PXDNL: variants seen among roughly 807,000 people sequenced by gnomAD.
The protein encoded by PXDNL is probable oxidoreductase PXDNL.
Under a neutral mutation model 150.8 loss-of-function variants are expected in PXDNL, and 145 were observed. The ratio of observed to expected loss-of-function variants is 0.96; its 90% CI spans 0.84 to 1.10. PXDNL has a LOEUF of 1.10. PXDNL is among the 50% of genes least tolerant of loss of function. PXDNL has a pLI of 0.00. For synonymous variants in PXDNL, 757 were observed against 725.7 expected, an observed-to-expected ratio of 1.04 and a Z score of -0.69; for missense variants, 2,087 against 1,873.9, an observed-to-expected ratio of 1.11 and a Z score of -2.10.
chr8:51,441,343 G>GCCCT (rs1809544286), intron 12 of PXDNL, among the ~76,000 whole-genome samples: 1 of 152,068 alleles, frequency 6.6e-6, no homozygotes, highest in Non-Finnish European at 1.5e-5. Context: ...CTAATACAAG[G>GCCCT]TCCTTCATTT....
intron 5 of PXDNL, among the ~76,000 whole-genome samples, chr8:51,497,883 G>A (rs1811090507): frequency 6.6e-6 from 1 of 152,146 alleles, no homozygotes; most frequent in African/African-American, 2.4e-5. Context: ...TGATTCCTCA[G>A]GGATCTAGAA....
intron 1 of PXDNL, among the ~76,000 whole-genome samples, chr8:51,763,614 T>C (rs1181001804): frequency 6.6e-6 from 1 of 152,182 alleles, no homozygotes; most frequent in African/African-American, 2.4e-5. Context: ...CAAGTGTACT[T>C]TCCTTTCTTT....
chr8:51,738,950 C>T (rs1298575917), intron 1 of PXDNL, among the ~76,000 whole-genome samples: 1 of 151,986 alleles, frequency 6.6e-6, no homozygotes, highest in African/African-American at 2.4e-5. Flanking sequence ...AAGAAAACTA[C>T]ACACCAATAT....
At chr8:51,805,513 T>C (rs927938014) in intron 1 of PXDNL, among the ~76,000 whole-genome samples, 152 of 150,292 alleles carry the variant, frequency 1.0e-3, no homozygotes, top group African/African-American at 3.6e-3. Flanking sequence ...GGAATTCTAT[T>C]TTCTTCTTGA....
chr8:51,608,856 A>AAAAG (rs1349355689), intron 2 of PXDNL, among the ~76,000 whole-genome samples: 1 of 151,208 alleles, frequency 6.6e-6, no homozygotes, highest in African/African-American at 2.4e-5. Flanking sequence ...AAAAAAAAAA[A>AAAAG]AAAGAAAGTA....
chr8:51,545,078 GAATC>G (rs1812327625), intron 4 of PXDNL, among the ~76,000 whole-genome samples: 1 of 152,060 alleles, frequency 6.6e-6, no homozygotes, highest in African/African-American at 2.4e-5. Flanking sequence ...CAACAGCATG[GAATC>G]AGTTTTAAAA....
At chr8:51,552,946 T>C (rs1812524062) in intron 4 of PXDNL, among the ~76,000 whole-genome samples, 1 of 152,120 alleles carries the variant, frequency 6.6e-6, no homozygotes, top group Non-Finnish European at 1.5e-5. Flanking sequence ...GCCTGTGAAA[T>C]CAAAACCAGT....
In PXDNL at chr8:51,729,401, G is replaced by A. The variant is rs150062702; in HGVS notation, c.165-74641C>T. ...ATGAGAAATAAGCATATGAAAATAC[G>A]CTTAATATCATAGTCATTAGAAAGT... On this transcript the variant is annotated intron_variant, in intron 1 of 22. Transcript: ENST00000356297. 1.2e-3 allele frequency among the ~76,000 whole-genome samples: 183 copies of A among 152,140 alleles called. 1 individual carries two copies. The highest frequency in any genetic ancestry group is 4.0e-3 in the African/African-American group (167 of 41,462).
intron 1 of PXDNL, among the ~76,000 whole-genome samples, chr8:51,737,498 A>C (rs1817061595): frequency 6.6e-6 from 1 of 152,180 alleles, no homozygotes; most frequent in African/African-American, 2.4e-5. Flanking sequence ...AGGAATGAGC[A>C]CCCTGCTCCA....
intron 14 of PXDNL, among the ~76,000 whole-genome samples, chr8:51,421,146 G>C (rs2129714473): frequency 6.6e-6 from 1 of 152,300 alleles, no homozygotes; most frequent in Admixed American, 6.5e-5. Context: ...AATACAGAGA[G>C]AGAGGATGTT....
At chr8:51,576,187 G>A (rs752128276) in intron 3 of PXDNL, among the ~76,000 whole-genome samples, 3 of 125,644 alleles carry the variant, frequency 2.4e-5, no homozygotes, top group Non-Finnish European at 3.3e-5. Context: ...CACATTATTA[G>A]AACACTGCTC....
chr8:51,411,301 G>A lies in PXDNL; in HGVS notation c.2011C>T (p.Leu671=). Residue 671 remains leucine (L), a synonymous_variant, in exon 16 of 23, where the codon CTG becomes TTG. Transcript: ENST00000356297. ...CCCTGCTTCACACGTTCCCGTATCA[G>A]CTGCAGCGTGTGCTCAAAAATCTCC... ...AGEIFEHTLQ[L]IRERVKQGLT... The A allele has an allele frequency of 6.4e-7, 1 of 1,572,928 alleles. No homozygotes were observed. The highest frequency in any genetic ancestry group is 8.6e-7 in the Non-Finnish European group (1 of 1,162,648).
chr8:51,729,082 G>T (rs1446792312), intron 1 of PXDNL, among the ~76,000 whole-genome samples: 1 of 152,090 alleles, frequency 6.6e-6, no homozygotes, highest in Non-Finnish European at 1.5e-5. Flanking sequence ...TGCTGTATAG[G>T]TTTGTAGCCT....
intron 17 of PXDNL, among the ~76,000 whole-genome samples, chr8:51,380,272 C>T (rs887281482): frequency 3.3e-5 from 5 of 152,228 alleles, no homozygotes; most frequent in African/African-American, 9.6e-5. Context: ...GGGTTGCTAA[C>T]TGGAACATCA....
chr8:51,512,364 C>T (rs951218086), intron 4 of PXDNL, among the ~76,000 whole-genome samples: 2 of 152,000 alleles, frequency 1.3e-5, no homozygotes, highest in African/African-American at 4.8e-5. Flanking sequence ...GAGAGAAGCA[C>T]AGAGAGAAAT....
chr8:51,744,067 AAGGAAGGAAGGAAGGAAGGAAG>A lies in PXDNL; in HGVS notation c.164+65092_164+65113del, dbSNP rs2036940902. ...GAAGGAAGGAAGGAAGGAAGGAAGG[AAGGAAGGAAGGAAGGAAGGAAG>A]GAAGGAAAGAAAGAAAGAAAGAAAG... On this transcript the variant is annotated intron_variant, in intron 1 of 22. Coordinates refer to ENST00000356297, the MANE Select transcript of PXDNL (RefSeq NM_144651.5). 8.4e-3 allele frequency among the ~76,000 whole-genome samples: 615 copies of A among 73,140 alleles called. 50 individuals are homozygous for A. Among genetic ancestry groups the A allele is most frequent in the African/African-American group, 0.027 (531 of 19,576 alleles). The allele number at this position is 73,140 out of a possible 152,430, so 48.0% of individuals were successfully genotyped here. A position where few individuals can be genotyped will look rare whatever the true frequency, so the allele number is the denominator to read the frequency against.
intron 5 of PXDNL, among the ~76,000 whole-genome samples, chr8:51,490,474 T>C (rs1324204449): frequency 1.3e-5 from 2 of 151,774 alleles, no homozygotes; most frequent in African/African-American, 4.8e-5. Flanking sequence ...AATGCAAGTA[T>C]GGGATTGGGT....
At chr8:51,520,587 T>C (rs1156294273) in intron 4 of PXDNL, among the ~76,000 whole-genome samples, 1 of 152,030 alleles carries the variant, frequency 6.6e-6, no homozygotes, top group Non-Finnish European at 1.5e-5. Flanking sequence ...ACAGGAACTA[T>C]GGGTCAGAGT....
intron 1 of PXDNL, among the ~76,000 whole-genome samples, chr8:51,690,292 G>A (rs1815963332): frequency 1.3e-5 from 2 of 151,996 alleles, no homozygotes; most frequent in Admixed American, 6.5e-5. Flanking sequence ...TTAGCATTAG[G>A]TATATCTCCT....
Sources: gnomAD v4.1 joint callset for allele counts (sites outside exome capture counted in the v4.1 genomes callset) on GRCh38, gnomAD v4.1.1 for gene constraint, MANE v1.5 for transcripts, NCBI Gene and HGNC (gene_info 2026-07-23, HGNC 2026-07-21) for gene names.